The following MED12L variants were observed in gnomAD, a reference collection of about 807,000 sequenced individuals.
The protein encoded by MED12L is mediator of RNA polymerase II transcription subunit 12-like protein.
Under a neutral mutation model 281.3 loss-of-function variants are expected in MED12L, and 60 were observed. The ratio of observed to expected loss-of-function variants is 0.21; its 90% CI spans 0.17 to 0.26. MED12L has a LOEUF of 0.26. MED12L is among the 10% of genes least tolerant of loss of function. The pLI, the probability that MED12L is intolerant of heterozygous loss-of-function variation, is 1.00. For synonymous variants in MED12L, 974 were observed against 987.2 expected (o/e 0.99, Z 0.25); for missense variants, 2,146 against 2,680.9 (o/e 0.80, Z 4.41).
At chr3:151,116,797 G>A (rs1560063048) in intron 3 of MED12L, among the ~76,000 whole-genome samples, 1 of 152,108 alleles carries the variant, frequency 6.6e-6, no homozygotes. Context: ...CGGGATCCAG[G>A]TTAGATATTT....
At chr3:151,274,985 A>G (rs1262552580) in intron 16 of MED12L, among the ~76,000 whole-genome samples, 1 of 152,094 alleles carries the variant, frequency 6.6e-6, no homozygotes, top group Non-Finnish European at 1.5e-5. Flanking sequence ...CTTAGATGAA[A>G]CCTTGTGTGA....
intron 43 of MED12L, among the ~76,000 whole-genome samples, chr3:151,423,643 A>G (rs1718531365): frequency 7.0e-6 from 1 of 143,542 alleles, no homozygotes; most frequent in African/African-American, 2.4e-5. Flanking sequence ...TCTTGACTAG[A>G]AAAATATTTT....
In MED12L at chr3:151,194,370, C is replaced by T. The variant is rs150065219; in HGVS notation, c.2250+704C>T. ...TAAGAGTTTTGAGGCATAGGAAAGACGGGAGACAAATGTCAGCAAGAATTT... is the reference window on the plus strand; with the variant it reads ...TAAGAGTTTTGAGGCATAGGAAAGATGGGAGACAAATGTCAGCAAGAATTT... On this transcript the variant is annotated intron_variant, in intron 16 of 44. Transcript: ENST00000687756. Among the ~76,000 whole-genome samples the T allele has an allele frequency of 5.3e-3, 806 of 152,128 alleles. 9 individuals are homozygous for T. The highest frequency in any genetic ancestry group is 0.018 in the African/African-American group (753 of 41,504).
intron 16 of MED12L, chr3:151,202,999 A>G (rs1725854306): frequency 7.1e-6 from 1 of 141,434 alleles, no homozygotes. Flanking sequence ...CTTTTTTTTT[A>G]TACAGCTTGG....
intron 36 of MED12L, among the ~76,000 whole-genome samples, chr3:151,386,512 C>T (rs1007769237): frequency 5.3e-5 from 8 of 151,782 alleles, no homozygotes; most frequent in African/African-American, 1.9e-4. Flanking sequence ...GTCTCAGCCT[C>T]CTGAGTACCT....
intron 5 of MED12L, among the ~76,000 whole-genome samples, chr3:151,149,790 G>C (rs1386091007): frequency 6.6e-6 from 1 of 152,198 alleles, no homozygotes; most frequent in Non-Finnish European, 1.5e-5. Flanking sequence ...CATTTCAGCA[G>C]TGTTCACAAC....
rs563049864 is a variant in MED12L at position 151,202,969 on chromosome 3, T to A, written c.2250+9303T>A. The stretch of plus-strand genomic sequence containing the variant: ...AGTGTCATTCACAGCTAGGACCTAT[T>A]TAGAGTTTAAAAATTGATGCTTTTT... On this transcript the variant is annotated intron_variant, in intron 16 of 44. Transcript: ENST00000687756. 2.0e-5 allele frequency: 3 copies of A among 152,026 alleles called. No individual in the cohort carries two copies. The East Asian group carries it at 5.8e-4, about 29-fold the overall frequency. 9.4% of individuals were successfully genotyped at this position (152,026 alleles called of 1,614,324 possible).
At chr3:151,192,248 G>C (rs1365013711) in intron 14 of MED12L, among the ~76,000 whole-genome samples, 1 of 152,114 alleles carries the variant, frequency 6.6e-6, no homozygotes, top group African/African-American at 2.4e-5. Flanking sequence ...AAGAAGAGTT[G>C]GTTAAAGTAT....
chr3:151,152,349 G>C (rs1260444676), intron 5 of MED12L, among the ~76,000 whole-genome samples: 1 of 151,932 alleles, frequency 6.6e-6, no homozygotes, highest in African/African-American at 2.4e-5. Context: ...CAATCGTCCT[G>C]CCTCAGCCTC....
chr3:151,270,465 C>T (rs1041511633), intron 16 of MED12L, among the ~76,000 whole-genome samples: 1 of 152,174 alleles, frequency 6.6e-6, no homozygotes, highest in Non-Finnish European at 1.5e-5. Context: ...TCCCTTTGCT[C>T]TGCTGGAATT....
chr3:151,237,163 A>G (rs1301253892), intron 16 of MED12L, among the ~76,000 whole-genome samples: 2 of 145,744 alleles, frequency 1.4e-5, no homozygotes, highest in African/African-American at 5.1e-5. Context: ...CTCAGCCTCC[A>G]TAGTAGCTGG....
intron 16 of MED12L, among the ~76,000 whole-genome samples, chr3:151,348,627 G>C (rs796284322): frequency 6.7e-6 from 1 of 150,354 alleles, no homozygotes; most frequent in Non-Finnish European, 1.5e-5. Flanking sequence ...AGAATCATTT[G>C]GGGGTGGGGA....
chr3:151,125,617 C>T (rs1023011403), intron 4 of MED12L, among the ~76,000 whole-genome samples: 2 of 152,166 alleles, frequency 1.3e-5, no homozygotes, highest in African/African-American at 4.8e-5. Flanking sequence ...GAGAGACAGT[C>T]TCACCTTGAC....
intron 16 of MED12L, among the ~76,000 whole-genome samples, chr3:151,275,610 A>G: frequency 6.6e-6 from 1 of 152,204 alleles, no homozygotes; most frequent in Non-Finnish European, 1.5e-5. Context: ...CGGTGAATTA[A>G]TGTAACCAAA....
chr3:151,116,685 T>G (rs747699449), intron 3 of MED12L, among the ~76,000 whole-genome samples: 2 of 152,174 alleles, frequency 1.3e-5, no homozygotes, highest in Non-Finnish European at 2.9e-5. Flanking sequence ...ATTCCTGCCT[T>G]TTTTTAAAAA....
intron 17 of MED12L, among the ~76,000 whole-genome samples, chr3:151,352,244 G>A (rs1753322438): frequency 6.6e-6 from 1 of 152,122 alleles, no homozygotes; most frequent in Non-Finnish European, 1.5e-5. Context: ...TTTTCTACTT[G>A]TGACATTATG....
rs182527437 is a variant in MED12L, at chr3:151,092,731, C to T, written c.99+5706C>T. On this transcript the variant is annotated intron_variant, in intron 2 of 44. Coordinates refer to ENST00000687756, the MANE Select transcript of MED12L (RefSeq NM_001393769.1). ...CAGGTTGACCAGTTGACTTGGGGGA[C>T]CAAAAGAGGAGGCAAGGGAGATACT... 2.0e-3 allele frequency among the ~76,000 whole-genome samples: 302 copies of T among 152,186 alleles called. 1 individual carries two copies. The highest frequency in any genetic ancestry group is 2.5e-3 in the Non-Finnish European group (171 of 67,998).
intron 16 of MED12L, among the ~76,000 whole-genome samples, chr3:151,224,244 T>A (rs1266972796): frequency 2.0e-5 from 3 of 152,080 alleles, no homozygotes; most frequent in East Asian, 1.9e-4. Context: ...TTTTATATAT[T>A]TTTTTTCCTT....
rs150373987 is a variant in MED12L, at chr3:151,407,990, C to T, written c.5821-1253C>T. ...TTTTCATTAGGATGATTTTAAGAGGCTATATGTCCTTAAATAATAAGCACC... is the reference window on the plus strand; with the variant it reads ...TTTTCATTAGGATGATTTTAAGAGGTTATATGTCCTTAAATAATAAGCACC... On this transcript the variant is annotated intron_variant, in intron 39 of 44. Transcript: ENST00000687756. Among the ~76,000 whole-genome samples the T allele has an allele frequency of 3.8e-3, 572 of 152,216 alleles. 1 individual carries two copies. Among genetic ancestry groups the T allele is most frequent in the African/African-American group, 0.013 (552 of 41,532 alleles).
Sources: allele counts gnomAD v4.1 joint callset (sites outside exome capture counted in the v4.1 genomes callset), GRCh38; gene constraint gnomAD v4.1.1; transcripts MANE v1.5; gene names NCBI Gene and HGNC (gene_info 2026-07-23, HGNC 2026-07-21).